Variants in NRN1L observed in about 807,000 individuals in gnomAD.
NRN1L encodes neuritin-like protein.
In NRN1L, 12 loss-of-function variants were observed where a neutral mutation model predicts 8.8. The observed-to-expected ratio is 1.36, with a 90% CI of 0.87 to 2.20. The LOEUF is 2.20. Ranked by LOEUF, NRN1L falls within the 30% of genes most tolerant of loss-of-function variation. NRN1L has a pLI of 0.00. For missense variants in NRN1L, 266 were observed against 232.4 expected, an observed-to-expected ratio of 1.14 and a Z score of -0.94; for synonymous variants, 114 against 99.2, an observed-to-expected ratio of 1.15 and a Z score of -0.88.
intron 1 of NRN1L, 156 bp downstream of exon 1, chr16:67,885,138 G>C: frequency 1.6e-6 from 1 of 634,910 alleles, no homozygotes; most frequent in South Asian, 1.9e-5. Context: ...GAAAGTGAGA[G>C]GCACAAACAG....
At chr16:67,885,693 T>TGCCCCCCCCCCCCC in intron 1 of NRN1L, 29 bp from the exon 2 acceptor site, 111 of 1,256,872 alleles carry the variant, frequency 8.8e-5, no homozygotes, top group East Asian at 1.8e-4. Context: ...TACCATTCCT[T>TGCCCCCCCCCCCCC]CCCCACCCCA....
At chr16:67,886,681 T>G (rs1205417466), downstream of NRN1L, among the ~76,000 whole-genome samples, 2 of 152,128 alleles carry the variant, frequency 1.3e-5, no homozygotes, top group Non-Finnish European at 1.5e-5. Flanking sequence ...ACCCCTTCTA[T>G]CCTGGCCCCT....
chr16:67,886,199 T>G lies in NRN1L; in HGVS notation c.438T>G (p.Pro146=). The G allele has an allele frequency of 6.2e-7, 1 of 1,602,464 alleles. No individual in the cohort carries two copies. The highest frequency in any genetic ancestry group is 1.1e-5 in the South Asian group (1 of 90,696). ...CAGCGCCTGCACTCCCCATGGCCCC[T>G]GCGCCCCCACTGCTGGCGGCTGCTC... ...RATAPALPMA[P]APPLLAAALA... Residue 146 remains proline, a synonymous_variant, in exon 3 of 3, where the codon CCT becomes CCG. Coordinates refer to ENST00000339176, the MANE Select transcript of NRN1L (RefSeq NM_198443.2).
rs766393338 is a variant in NRN1L, at chr16:67,884,989, G to A, written c.79+7G>A. On this transcript the variant is annotated splice_region_variant and intron_variant, in intron 1 of 2. Coordinates refer to ENST00000339176, the MANE Select transcript of NRN1L (RefSeq NM_198443.2). The surrounding 1 kb of genome is among the most constrained non-coding windows in gnomAD (Gnocchi z 4.1). ...TTGCTGTTGCTGCCCCTCGGTGAGT[G>A]CGGGCATCCGGGGCCCGGGCCACAC... 1.2e-6 allele frequency: 2 copies of A among 1,605,352 alleles called. No individual in the cohort carries two copies. Among genetic ancestry groups the A allele is most frequent in the South Asian group, 2.2e-5 (2 of 90,984 alleles).
At chr16:67,885,685 C>G in intron 1 of NRN1L, 37 bp from the exon 2 acceptor site, 3 of 1,436,290 alleles carry the variant, frequency 2.1e-6, no homozygotes, top group Non-Finnish European at 2.8e-6. Context: ...ATCCTATCTA[C>G]CATTCCTTCC....
At chr16:67,886,595 A>C (rs947426647), downstream of NRN1L, among the ~76,000 whole-genome samples, 7 of 152,146 alleles carry the variant, frequency 4.6e-5, no homozygotes, top group Non-Finnish European at 1.0e-4. Context: ...GCCAGAATGC[A>C]CAGTCTTCCT....
In NRN1L at chr16:67,884,943, C is replaced by A. The variant is rs747710725; in HGVS notation, c.40C>A (p.Pro14Thr). The change falls in exon 1 of 3, where the codon CCA becomes ACA. Residue 14 changes from proline to threonine, a missense_variant. Physicochemically the swap from Pro to Thr is conservative, Grantham distance 38. Coordinates refer to ENST00000339176, the MANE Select transcript of NRN1L (RefSeq NM_198443.2). This position sits in a 1 kb window ranked among gnomAD's most constrained non-coding sequence, Gnocchi z 4.1. Reference protein sequence around the residue: ...CCRRRCCCRQPPHALRPLLLL... With the variant: ...CCRRRCCCRQTPHALRPLLLL... ...CCGCCGCCGCTGCTGCTGCCGGCAA[C>A]CACCCCATGCCCTGAGGCCGTTGCT... 46 of 1,607,844 alleles carry A rather than the reference C, an allele frequency of 2.9e-5. No homozygotes were observed. Among genetic ancestry groups the A allele is most frequent in the Non-Finnish European group, 3.5e-5 (41 of 1,179,752 alleles).
Position 67,884,923 on chromosome 16 carries a change from G to C in NRN1L, c.20G>C (p.Arg7Pro), listed in dbSNP as rs751672812. 5 of 1,606,264 alleles carry C rather than the reference G, an allele frequency of 3.1e-6. No homozygotes were observed. In the African/African-American group the frequency reaches 6.7e-5, roughly 21 times the overall value. Residue 7 changes from arginine to proline, a missense_variant, in exon 1 of 3, where the codon CGC (arginine) becomes CCC (proline). By Grantham distance (103) the Arg-to-Pro change is moderately radical (BLOSUM62 -2). Coordinates refer to ENST00000339176, the MANE Select transcript of NRN1L (RefSeq NM_198443.2). This position sits in a 1 kb window ranked among gnomAD's most constrained non-coding sequence, Gnocchi z 4.1. Reference protein sequence around the residue: MMRCCRRRCCCRQPPHA... With the variant: MMRCCRPRCCCRQPPHA... ...CCAGGGATGATGCGCTGCTGCCGCC[G>C]CCGCTGCTGCTGCCGGCAACCACCC...
At chr16:67,888,175 C>A (rs2058102126), downstream of NRN1L, among the ~76,000 whole-genome samples, 1 of 152,148 alleles carries the variant, frequency 6.6e-6, no homozygotes, top group South Asian at 2.1e-4. Context: ...AAAGGGTGCA[C>A]TTGTGGGAGG....
chr16:67,885,149 C>A, intron 1 of NRN1L, 167 bp downstream of exon 1: 1 of 621,990 alleles, frequency 1.6e-6, no homozygotes, highest in Admixed American at 2.8e-5. Context: ...GCACAAACAG[C>A]CCCAGTTATG....
downstream of NRN1L, chr16:67,886,472 C>T: frequency 1.8e-6 from 1 of 561,854 alleles, no homozygotes; most frequent in Non-Finnish European, 3.1e-6. Context: ...GGCTGAGGGC[C>T]ACCACAGGGG....
intron 1 of NRN1L, chr16:67,885,225 A>G (rs965521549): frequency 1.8e-5 from 11 of 595,508 alleles, no homozygotes; most frequent in Non-Finnish European, 3.0e-5. Flanking sequence ...GGCAGGACTT[A>G]TAGACCAGTC....
Position 67,885,713 on chromosome 16 carries a change from C to CCCAG in NRN1L, c.80-9_80-8insCCAG. On this transcript the variant is annotated splice_polypyrimidine_tract_variant and intron_variant, in intron 1 of 2. Coordinates refer to ENST00000339176, the MANE Select transcript of NRN1L (RefSeq NM_198443.2). ...TTCCTTCCCCACCCCACCCCCGCCC[C>CCCAG]ACTTCTAGTCCTTTTACCTCCCCTG... is the stretch of plus-strand genomic sequence containing the variant. 6.6e-7 allele frequency: 1 copy of CCCAG among 1,509,804 alleles called. No homozygotes were observed. The highest frequency in any genetic ancestry group is 9.1e-7 in the Non-Finnish European group (1 of 1,104,176). 93.5% of individuals were successfully genotyped at this position (1,509,804 alleles called of 1,614,324 possible).
downstream of NRN1L, chr16:67,886,445 T>G (rs1284715942): frequency 4.9e-6 from 3 of 607,984 alleles, no homozygotes; most frequent in African/African-American, 5.6e-5. Flanking sequence ...GATCCTTTGC[T>G]TGGATGGAAT....
downstream of NRN1L, among the ~76,000 whole-genome samples, chr16:67,888,286 TG>T (rs1272787606): frequency 6.6e-6 from 1 of 152,104 alleles, no homozygotes; most frequent in Non-Finnish European, 1.5e-5. Context: ...TGTGTCATCT[TG>T]GGGTGGCACC....
At chr16:67,887,396 C>T (rs1339351883), downstream of NRN1L, among the ~76,000 whole-genome samples, 2 of 151,864 alleles carry the variant, frequency 1.3e-5, no homozygotes, top group African/African-American at 4.8e-5. Flanking sequence ...CCTCAGCCTC[C>T]CTAGTAGCTG....
chr16:67,888,161 A>G (rs1252064084), downstream of NRN1L, among the ~76,000 whole-genome samples: 6 of 152,176 alleles, frequency 3.9e-5, no homozygotes, highest in East Asian at 1.2e-3. Flanking sequence ...CTAGGGCTGG[A>G]TATAAAGGGT....
downstream of NRN1L, chr16:67,886,470 G>C: frequency 3.6e-6 from 2 of 561,992 alleles, no homozygotes; most frequent in South Asian, 4.8e-5. Context: ...GGGGCTGAGG[G>C]CCACCACAGG....
At chr16:67,887,676 G>A (rs972898603), downstream of NRN1L, among the ~76,000 whole-genome samples, 2 of 150,362 alleles carry the variant, frequency 1.3e-5, no homozygotes, top group African/African-American at 4.9e-5. Flanking sequence ...TCCGCCTCCC[G>A]GGTTCACACC....
Sources: gnomAD v4.1 joint callset for allele counts (sites outside exome capture counted in the v4.1 genomes callset) on GRCh38, gnomAD v4.1.1 for gene constraint, Gnocchi (gnomAD v3.1) non-coding constraint, MANE v1.5 for transcripts, NCBI Gene and HGNC (gene_info 2026-07-23, HGNC 2026-07-21) for gene names.